MLLT1: variants seen among roughly 807,000 people sequenced by gnomAD.
MLLT1 encodes MLLT1 super elongation complex subunit.
A neutral mutation model predicts 55.1 loss-of-function variants in MLLT1; 11 were observed. The ratio of observed to expected loss-of-function variants is 0.20; its 90% CI spans 0.13 to 0.33. The LOEUF is 0.33. Among genes scored for constraint, MLLT1 ranks in the 10% least tolerant of loss-of-function variants. The pLI is 1.00. For missense variants in MLLT1, 536 were observed against 760.6 expected (o/e 0.70, Z 3.47); for synonymous variants, 323 against 320.1 (o/e 1.01, Z -0.10).
chr19:6,254,937 GA>G (rs2091246244), intron 3 of MLLT1, among the ~76,000 whole-genome samples: 1 of 117,552 alleles, frequency 8.5e-6, no homozygotes. Flanking sequence ...TCCATATACA[GA>G]AAATCCCAAA....
At chr19:6,258,755 T>C (rs893666786) in intron 3 of MLLT1, among the ~76,000 whole-genome samples, 1 of 152,204 alleles carries the variant, frequency 6.6e-6, no homozygotes, top group Non-Finnish European at 1.5e-5. Context: ...CCTTTTCTGC[T>C]CCGGTCTTAG....
chr19:6,214,513 GC>G (rs1299200884), intron 8 of MLLT1, among the ~76,000 whole-genome samples: 1 of 152,114 alleles, frequency 6.6e-6, no homozygotes, highest in East Asian at 1.9e-4. Flanking sequence ...AGTCACATCG[GC>G]CCCCCTGACC....
rs967568158 is a variant in MLLT1, at chr19:6,256,535, A to G, written c.276+5693T>C. Among the ~76,000 whole-genome samples, 41 of 152,260 alleles carry G rather than the reference A, an allele frequency of 2.7e-4. No individual in the cohort carries two copies. The highest frequency in any genetic ancestry group is 5.0e-4 in the Non-Finnish European group (34 of 68,016). On this transcript the variant is annotated intron_variant, in intron 3 of 11. Coordinates refer to ENST00000252674, the MANE Select transcript of MLLT1 (RefSeq NM_005934.4). This position sits in a 1 kb window ranked among gnomAD's most constrained non-coding sequence, Gnocchi z 4.1. Reference sequence around the variant, plus strand: ...TTTGGGAGGCCGAGGTGGGTGGATCATGAGGTCAGGAGATCGAGACCATCC... The same window carrying G: ...TTTGGGAGGCCGAGGTGGGTGGATCGTGAGGTCAGGAGATCGAGACCATCC...
chr19:6,261,311 A>C (rs1293138966), intron 3 of MLLT1, among the ~76,000 whole-genome samples: 1 of 152,226 alleles, frequency 6.6e-6, no homozygotes, highest in Non-Finnish European at 1.5e-5. Flanking sequence ...CACCGGCTGA[A>C]ACGTCACCCG....
At chr19:6,216,267 TG>T in intron 8 of MLLT1, 137 bp downstream of exon 8, 1 of 657,060 alleles carries the variant, frequency 1.5e-6, no homozygotes, top group Non-Finnish European at 2.7e-6. Context: ...TGGGGCCACC[TG>T]GGGATGGATC....
rs1376111592 is a variant in MLLT1, at chr19:6,240,799, C to T, written c.277-10086G>A. On this transcript the variant is annotated intron_variant, in intron 3 of 11. Coordinates refer to ENST00000252674, the MANE Select transcript of MLLT1 (RefSeq NM_005934.4). The surrounding 1 kb of genome is among the most constrained non-coding windows in gnomAD (Gnocchi z 4.7). ...TCCTACCCTGCGTCCTTCTGTGCTT[C>T]GCATTTCCGATAACCAGAATCAATT... Among the ~76,000 whole-genome samples the T allele has an allele frequency of 1.3e-5, 2 of 152,234 alleles. No individual in the cohort carries two copies. Among genetic ancestry groups the T allele is most frequent in the East Asian group, 1.9e-4 (1 of 5,176 alleles).
At chr19:6,267,679 C>G (rs1360575980) in intron 2 of MLLT1, among the ~76,000 whole-genome samples, 2 of 152,206 alleles carry the variant, frequency 1.3e-5, no homozygotes, top group Non-Finnish European at 2.9e-5. Flanking sequence ...CCGTCCCAAC[C>G]AGCCTGATGG....
chr19:6,216,682 A>G (rs971869366), intron 7 of MLLT1, 169 bp from the exon 8 acceptor site: 10 of 535,344 alleles, frequency 1.9e-5, no homozygotes, highest in Non-Finnish European at 3.0e-5. Flanking sequence ...CTGCCCCCAC[A>G]CCGGCAGCCA....
intron 5 of MLLT1, among the ~76,000 whole-genome samples, chr19:6,225,546 C>T (rs1034389632): frequency 3.9e-5 from 6 of 152,212 alleles, no homozygotes; most frequent in Admixed American, 3.3e-4. Flanking sequence ...AGAATGCCCT[C>T]AGCAGACAAG....
rs964525723 is a variant in MLLT1, at chr19:6,226,338, T to C, written c.546+639A>G. ...GGGTTAAAGGGACACTGTGATGCCA[T>C]CAAAGGGCTTTCTAGCTTGTCTTCT... On this transcript the variant is annotated intron_variant, in intron 5 of 11. Transcript: ENST00000252674. This position sits in a 1 kb window ranked among gnomAD's most constrained non-coding sequence, Gnocchi z 6.3. Among the ~76,000 whole-genome samples the C allele has an allele frequency of 2.6e-5, 4 of 152,160 alleles. No homozygotes were observed. Among genetic ancestry groups the C allele is most frequent in the Non-Finnish European group, 2.9e-5 (2 of 68,028 alleles).
chr19:6,218,433 C>T (rs1011908585), intron 6 of MLLT1, among the ~76,000 whole-genome samples: 5 of 152,216 alleles, frequency 3.3e-5, no homozygotes, highest in East Asian at 1.9e-4. Context: ...TGACTGGTGT[C>T]GCAAAAATGT....
chr19:6,211,659 G>A lies in MLLT1; in HGVS notation c.*1383C>T, dbSNP rs758683094. The A allele has an allele frequency of 9.5e-4, 1,008 of 1,064,532 alleles. No individual in the cohort carries two copies. Among genetic ancestry groups the A allele is most frequent in the Non-Finnish European group, 1.1e-3 (954 of 878,796 alleles). 65.9% of individuals were successfully genotyped at this position (1,064,532 alleles called of 1,614,324 possible). A position where few individuals can be genotyped will look rare whatever the true frequency, so the allele number is the denominator to read the frequency against. On this transcript the variant is annotated 3_prime_UTR_variant, in exon 12 of 12. Transcript: ENST00000252674. The surrounding 1 kb of genome is among the most constrained non-coding windows in gnomAD (Gnocchi z 4.6). ...AGGGCACAAGGACTTGAAAGGACTT[G>A]AAAGTCAGGGGGTTGAGAGGACTGG...
At chr19:6,245,316 T>C (rs1182550143) in intron 3 of MLLT1, among the ~76,000 whole-genome samples, 1 of 147,522 alleles carries the variant, frequency 6.8e-6, no homozygotes, top group Admixed American at 6.8e-5. Context: ...GGTCTCAACC[T>C]CCTGAGCTCA....
chr19:6,247,417 T>G (rs1423794564), intron 3 of MLLT1, among the ~76,000 whole-genome samples: 7 of 152,114 alleles, frequency 4.6e-5, no homozygotes. Flanking sequence ...CATGGGAACA[T>G]GAAATGACAG....
At position 6,230,835 on chromosome 19, in the gene MLLT1, T is replaced by G; in HGVS notation, c.277-122A>C. On this transcript the variant is annotated intron_variant, in intron 3 of 11. Transcript: ENST00000252674. This position sits in a 1 kb window ranked among gnomAD's most constrained non-coding sequence, Gnocchi z 9.0. ...GGCCTCTGTTCCCCTCCCTCCGATT[T>G]GCGCCCACTTCTCTCTCAGGGCACC... 1 of 1,264,642 alleles carries G rather than the reference T, an allele frequency of 7.9e-7. No individual in the cohort carries two copies. Among genetic ancestry groups the G allele is most frequent in the East Asian group, 2.3e-5 (1 of 42,700 alleles). The allele number at this position is 1,264,642 out of a possible 1,614,324, so 78.3% of individuals were successfully genotyped here.
intron 3 of MLLT1, among the ~76,000 whole-genome samples, chr19:6,252,289 C>T (rs988357414): frequency 3.9e-5 from 6 of 152,190 alleles, no homozygotes; most frequent in African/African-American, 1.2e-4. Flanking sequence ...GCTGCGGAGG[C>T]GTCTGAGCTT....
At chr19:6,248,541 C>G (rs1184577408) in intron 3 of MLLT1, among the ~76,000 whole-genome samples, 1 of 152,218 alleles carries the variant, frequency 6.6e-6, no homozygotes, top group Non-Finnish European at 1.5e-5. Context: ...GCATTTACCT[C>G]TGTGGTCTTC....
chr19:6,218,302 G>A (rs986814279), intron 6 of MLLT1, among the ~76,000 whole-genome samples: 7 of 152,234 alleles, frequency 4.6e-5, no homozygotes, highest in African/African-American at 1.7e-4. Flanking sequence ...GAGACCGTGT[G>A]GACCACGTGG....
intron 8 of MLLT1, among the ~76,000 whole-genome samples, chr19:6,214,322 G>A (rs1313429075): frequency 6.6e-6 from 1 of 152,220 alleles, no homozygotes; most frequent in East Asian, 1.9e-4. Context: ...CCAGCCAATG[G>A]GCCTTGCTGG....
Sources: allele counts gnomAD v4.1 joint callset (sites outside exome capture counted in the v4.1 genomes callset), GRCh38; gene constraint gnomAD v4.1.1; non-coding constraint Gnocchi (gnomAD v3.1); transcripts MANE v1.5; gene names NCBI Gene and HGNC (gene_info 2026-07-23, HGNC 2026-07-21).